ARHGAP21: variants seen among roughly 807,000 people sequenced by gnomAD.
ARHGAP21 encodes rho GTPase-activating protein 21.
A neutral mutation model predicts 164.6 loss-of-function variants in ARHGAP21; 38 were observed. That is an observed-to-expected ratio of 0.23 (90% CI 0.18 to 0.30). The LOEUF (loss-of-function observed/expected upper bound fraction) is 0.30, where lower values mean the gene tolerates loss of function less well. ARHGAP21 is among the 10% of genes least tolerant of loss of function. The pLI is 1.00. For missense variants in ARHGAP21, 1,822 were observed against 2,370.7 expected, an observed-to-expected ratio of 0.77 and a Z score of 4.81; for synonymous variants, 766 against 857.9, an observed-to-expected ratio of 0.89 and a Z score of 1.87.
intron 21 of ARHGAP21, 68 bp from the exon 22 acceptor site, chr10:24,592,080 G>A (rs1273895925): frequency 2.3e-6 from 3 of 1,310,092 alleles, no homozygotes; most frequent in African/African-American, 1.5e-5. Flanking sequence ...AATTGCCATT[G>A]TAGGATTTTT....
rs1843469601 is a variant in ARHGAP21, at chr10:24,699,607, G to A, written c.63+22230C>T. Among the ~76,000 whole-genome samples the A allele has an allele frequency of 2.0e-5, 3 of 152,248 alleles. 1 individual carries two copies. In the South Asian group the frequency reaches 6.2e-4, roughly 32 times the overall value. On this transcript the variant is annotated intron_variant, in intron 2 of 25. Coordinates refer to ENST00000396432, the MANE Select transcript of ARHGAP21 (RefSeq NM_020824.4). ...CCCAAAGTGCTGGGATTACAGGCAT[G>A]AGTCACCGTGCCCGGCCTAGAATTA...
At chr10:24,662,888 CCT>C (rs1336949517) in intron 4 of ARHGAP21, among the ~76,000 whole-genome samples, 3 of 152,000 alleles carry the variant, frequency 2.0e-5, no homozygotes, top group Admixed American at 1.3e-4. Flanking sequence ...CTGTTAGACC[CCT>C]GATGGTAAAC....
intron 25 of ARHGAP21, among the ~76,000 whole-genome samples, chr10:24,587,413 T>C (rs1159310618): frequency 6.6e-6 from 1 of 152,184 alleles, no homozygotes; most frequent in Non-Finnish European, 1.5e-5. Flanking sequence ...ATTTCTCTAT[T>C]GCCTGCAAAT....
chr10:24,693,325 A>T (rs10828688), intron 2 of ARHGAP21, among the ~76,000 whole-genome samples: 5 of 152,082 alleles, frequency 3.3e-5, no homozygotes, highest in South Asian at 2.1e-4. Flanking sequence ...CACGCTGGGA[A>T]GGAAATCTAA....
intron 4 of ARHGAP21, among the ~76,000 whole-genome samples, chr10:24,639,649 C>G: frequency 6.6e-6 from 1 of 151,540 alleles, no homozygotes; most frequent in Non-Finnish European, 1.5e-5. Flanking sequence ...GGGGATAGGA[C>G]GAGAAACATG....
At chr10:24,588,908 G>A (rs1446006172) in intron 25 of ARHGAP21, among the ~76,000 whole-genome samples, 1 of 152,212 alleles carries the variant, frequency 6.6e-6, no homozygotes, top group African/African-American at 2.4e-5. Flanking sequence ...GTGGCGTACA[G>A]AGCAAACGGA....
chr10:24,645,510 G>C (rs1837472620), intron 4 of ARHGAP21, among the ~76,000 whole-genome samples: 1 of 150,388 alleles, frequency 6.6e-6, no homozygotes, highest in South Asian at 2.1e-4. Flanking sequence ...CTTGAACCCA[G>C]AAAGCATAGG....
At position 24,597,431 on chromosome 10, in the gene ARHGAP21, A is replaced by G. The variant is rs778680996; in HGVS notation, c.3334+16T>C. On this transcript the variant is annotated intron_variant, in intron 16 of 25. Transcript: ENST00000396432. ...TAAATCATTATATTTATTTGTTAGAAAGCTAACATCAATACCTTTACTGAG... is the reference window on the plus strand; with the variant it reads ...TAAATCATTATATTTATTTGTTAGAGAGCTAACATCAATACCTTTACTGAG... 2 of 1,601,630 alleles carry G rather than the reference A, an allele frequency of 1.2e-6. No homozygotes were observed. Among genetic ancestry groups the G allele is most frequent in the African/African-American group, 1.3e-5 (1 of 74,114 alleles).
chr10:24,692,644 C>A (rs1373633367), intron 2 of ARHGAP21, among the ~76,000 whole-genome samples: 1 of 151,988 alleles, frequency 6.6e-6, no homozygotes, highest in Admixed American at 6.6e-5. Context: ...CCAGCCTGGC[C>A]AACATGGCGG....
intron 18 of ARHGAP21, 36 bp downstream of exon 18, chr10:24,595,850 GAA>G (rs3833494): frequency 2.5e-6 from 4 of 1,605,162 alleles, no homozygotes; most frequent in Non-Finnish European, 3.4e-6. Context: ...ACCAAAGGGG[GAA>G]AAAAAAGGAT....
rs1592972620 is a variant in ARHGAP21 at position 24,600,817 on chromosome 10, C to T, written c.2961G>A (p.Gln987=). 3.1e-6 allele frequency: 5 copies of T among 1,614,056 alleles called. No homozygotes were observed. Among genetic ancestry groups the T allele is most frequent in the Non-Finnish European group, 4.2e-6 (5 of 1,180,002 alleles). ...REQTTPSEEE[Q]PISVNACLID... Reference sequence around the variant, plus strand: ...TCAAGCAAGCATTAACACTGATGGGCTGCTCTTCCTCAGACGGAGTCGTCT... The same window carrying T: ...TCAAGCAAGCATTAACACTGATGGGTTGCTCTTCCTCAGACGGAGTCGTCT... The change falls in exon 14 of 26, where the codon CAG becomes CAA. Residue 987 remains glutamine (Q), a synonymous_variant. Transcript: ENST00000396432.
At chr10:24,674,896 C>T (rs1444381935) in intron 2 of ARHGAP21, among the ~76,000 whole-genome samples, 1 of 151,970 alleles carries the variant, frequency 6.6e-6, no homozygotes, top group African/African-American at 2.4e-5. Flanking sequence ...AATGAAATAC[C>T]ACTGCACACA....
intron 2 of ARHGAP21, among the ~76,000 whole-genome samples, chr10:24,711,529 C>T (rs931357480): frequency 1.3e-5 from 2 of 152,162 alleles, no homozygotes; most frequent in Non-Finnish European, 2.9e-5. Flanking sequence ...ATAATATTCA[C>T]GTAACTATCT....
intron 2 of ARHGAP21, among the ~76,000 whole-genome samples, chr10:24,691,696 T>G (rs1020598245): frequency 2.6e-5 from 4 of 152,176 alleles, no homozygotes; most frequent in African/African-American, 9.7e-5. Flanking sequence ...TCTGGAAACA[T>G]TATAAGATGG....
At chr10:24,590,503 G>C in intron 24 of ARHGAP21, 1 of 1,533,336 alleles carries the variant, frequency 6.5e-7, no homozygotes. Flanking sequence ...GTATAGATTT[G>C]CCTGTGTCAG....
At chr10:24,628,766 T>C (rs1279929434) in intron 7 of ARHGAP21, among the ~76,000 whole-genome samples, 1 of 112,880 alleles carries the variant, frequency 8.9e-6, no homozygotes, top group South Asian at 2.7e-4. Context: ...TGTGTGTGTG[T>C]GTGTGCATAT....
At chr10:24,671,884 ATTTTTTTTTTTTT>A (rs35692163) in intron 2 of ARHGAP21, among the ~76,000 whole-genome samples, 3 of 82,494 alleles carry the variant, frequency 3.6e-5, no homozygotes, top group Admixed American at 3.0e-4. Flanking sequence ...CATCAAGCTA[ATTTTTTTTTTTTT>A]TTTTTTTTTT....
At chr10:24,676,774 A>G (rs1041621914) in intron 2 of ARHGAP21, among the ~76,000 whole-genome samples, 9 of 152,242 alleles carry the variant, frequency 5.9e-5, no homozygotes, top group South Asian at 2.1e-4. Flanking sequence ...GTTGCAGTAT[A>G]GTGGACAATT....
intron 2 of ARHGAP21, among the ~76,000 whole-genome samples, chr10:24,674,228 A>G (rs1840991716): frequency 6.6e-6 from 1 of 151,832 alleles, no homozygotes; most frequent in Non-Finnish European, 1.5e-5. Flanking sequence ...CTGTCTCTAC[A>G]CAAAATTTAA....
Sources: allele counts gnomAD v4.1 joint callset (sites outside exome capture counted in the v4.1 genomes callset), GRCh38; gene constraint gnomAD v4.1.1; transcripts MANE v1.5; gene names NCBI Gene and HGNC (gene_info 2026-07-23, HGNC 2026-07-21).